MYO9B: variants seen among roughly 807,000 people sequenced by gnomAD.
MYO9B encodes the protein myosin IXB, also known as unconventional myosin-IXb.
Under a neutral mutation model 229.5 loss-of-function variants are expected in MYO9B, and 71 were observed. The ratio of observed to expected loss-of-function variants is 0.31; its 90% CI spans 0.26 to 0.38. MYO9B has a LOEUF of 0.38. MYO9B is among the 10% of genes least tolerant of loss of function. MYO9B has a pLI of 1.00. For missense variants in MYO9B, 2,255 were observed against 2,920.5 expected, an observed-to-expected ratio of 0.77 and a Z score of 5.25; for synonymous variants, 1,185 against 1,235.8, an observed-to-expected ratio of 0.96 and a Z score of 0.86.
At chr19:17,081,152 C>T (rs1180041670) in intron 1 of MYO9B, among the ~76,000 whole-genome samples, 4 of 152,118 alleles carry the variant, frequency 2.6e-5, no homozygotes, top group African/African-American at 7.2e-5. Context: ...CTCAGCCTCC[C>T]GAGTAGCTGG....
At position 17,212,040 on chromosome 19, in the gene MYO9B, CA is replaced by C. The variant is rs769226425; in HGVS notation, c.6206del (p.Asn2069ThrfsTer59). 7 of 1,609,330 alleles carry C rather than the reference CA, an allele frequency of 4.3e-6. No individual in the cohort carries two copies. In the South Asian group the frequency reaches 7.7e-5, roughly 18 times the overall value. ...PRRTPIMPTANIKLPPGLPSH... is the reference protein window; with the variant it reads ...PRRTPIMPTAXIKLPPGLPSH... ...GGCGGACCCCCATCATGCCCACGGCCAACATCAAGCTCCCACCAGGCCTGCC... is the reference window on the plus strand; with the variant it reads ...GGCGGACCCCCATCATGCCCACGGCCACATCAAGCTCCCACCAGGCCTGCC... On this transcript the variant is annotated frameshift_variant, in exon 40 of 40. Transcript: ENST00000682292. LOFTEE classifies it low-confidence loss of function (END_TRUNC). This position sits in a 1 kb window ranked among gnomAD's most constrained non-coding sequence, Gnocchi z 5.4.
At chr19:17,173,843 A>G (rs1204361377) in intron 13 of MYO9B, among the ~76,000 whole-genome samples, 2 of 151,958 alleles carry the variant, frequency 1.3e-5, no homozygotes, top group Non-Finnish European at 2.9e-5. Flanking sequence ...AAGGGCTCCA[A>G]CCTTCCGTCC....
chr19:17,202,781 G>C, intron 28 of MYO9B, 61 bp from the exon 29 acceptor site: 1 of 1,518,062 alleles, frequency 6.6e-7, no homozygotes, highest in Non-Finnish European at 8.9e-7. Context: ...GGGGTGCCAG[G>C]GGTGGGTTGG....
chr19:17,151,053 G>A (rs1393212788), intron 3 of MYO9B, among the ~76,000 whole-genome samples: 1 of 151,792 alleles, frequency 6.6e-6, no homozygotes, highest in East Asian at 1.9e-4. Flanking sequence ...GCCAAGGTGG[G>A]TGGATCACCT....
intron 1 of MYO9B, among the ~76,000 whole-genome samples, chr19:17,082,947 A>C (rs1037294918): frequency 6.6e-6 from 1 of 151,402 alleles, no homozygotes; most frequent in Non-Finnish European, 1.5e-5. Flanking sequence ...CCTGCAGCCA[A>C]GTGAGCGTGG....
chr19:17,157,015 G>T lies in MYO9B; in HGVS notation c.1306G>T (p.Asp436Tyr). 6.2e-7 allele frequency: 1 copy of T among 1,613,708 alleles called. No homozygotes were observed. Among genetic ancestry groups the T allele is most frequent in the South Asian group, 1.1e-5 (1 of 91,052 alleles). The change falls in exon 7 of 40, where the codon GAC becomes TAC. Residue 436 changes from aspartate (D) to tyrosine (Y), a missense_variant. Asp to Tyr is a radical substitution (Grantham distance 160, BLOSUM62 -3). This residue lies in a region of MYO9B where 220 missense variants were observed against 404.5 expected (regional missense o/e 0.54). Coordinates refer to ENST00000682292, the MANE Select transcript of MYO9B (RefSeq NM_004145.4). The part of the protein sequence containing the change: ...GLEVGPPEVL[D>Y]TLSQLLKVKR... ...GGAGGTCGGGCCACCCGAGGTGCTGGACACCCTGTCGCAGCTTCTGAAGGT... is the reference window on the plus strand; with the variant it reads ...GGAGGTCGGGCCACCCGAGGTGCTGTACACCCTGTCGCAGCTTCTGAAGGT...
At chr19:17,197,424 A>ATGGG (rs2073056450) in intron 22 of MYO9B, among the ~76,000 whole-genome samples, 1 of 88,292 alleles carries the variant, frequency 1.1e-5, no homozygotes, top group South Asian at 4.7e-4. Context: ...AGATAGATAG[A>ATGGG]TAGATAGATA....
At chr19:17,182,122 G>A (rs1401036457) in intron 15 of MYO9B, among the ~76,000 whole-genome samples, 1 of 150,818 alleles carries the variant, frequency 6.6e-6, no homozygotes, top group Admixed American at 6.6e-5. Context: ...TGTTGCCCAG[G>A]CTACAGTGCA....
Position 17,154,201 on chromosome 19 carries a change from C to G in MYO9B, c.1099-114C>G, listed in dbSNP as rs1291424640. 2.3e-6 allele frequency: 3 copies of G among 1,324,266 alleles called. No homozygotes were observed. The Admixed American group carries it at 5.5e-5, about 24-fold the overall frequency. The allele number at this position is 1,324,266 out of a possible 1,614,324, so 82.0% of individuals were successfully genotyped here. On this transcript the variant is annotated intron_variant, in intron 5 of 39. Coordinates refer to ENST00000682292, the MANE Select transcript of MYO9B (RefSeq NM_004145.4). ...CCCAGAAGGCAGCATTAAAAGAACC[C>G]ATTCATTCCCCTGGTCCTGGGGCCC...
chr19:17,120,090 A>T (rs1450470798), intron 2 of MYO9B, among the ~76,000 whole-genome samples: 1 of 151,642 alleles, frequency 6.6e-6, no homozygotes, highest in African/African-American at 2.4e-5. Context: ...CAGGCCCATG[A>T]TATGTCAAAG....
chr19:17,156,296 C>T (rs2072537096), intron 6 of MYO9B, among the ~76,000 whole-genome samples: 1 of 152,032 alleles, frequency 6.6e-6, no homozygotes, highest in Non-Finnish European at 1.5e-5. Flanking sequence ...AACCTGTAGT[C>T]CCAGCTACCT....
chr19:17,194,548 C>T lies in MYO9B; in HGVS notation c.3129-8C>T. 3 of 1,611,600 alleles carry T rather than the reference C, an allele frequency of 1.9e-6. No homozygotes were observed. Among genetic ancestry groups the T allele is most frequent in the Non-Finnish European group, 2.5e-6 (3 of 1,179,400 alleles). ...CTGAACCAGCTGTCTGCTTTTTCCT[C>T]ACTCCAGCTTCAGCCAGATGATCTC... is the stretch of plus-strand genomic sequence containing the variant. On this transcript the variant is annotated splice_polypyrimidine_tract_variant and splice_region_variant and intron_variant, in intron 21 of 39. Transcript: ENST00000682292.
intron 1 of MYO9B, among the ~76,000 whole-genome samples, chr19:17,077,780 G>A (rs970498739): frequency 3.9e-5 from 6 of 152,158 alleles, no homozygotes; most frequent in Non-Finnish European, 5.9e-5. Flanking sequence ...TCCTGGCTGC[G>A]ATGATCCTAC....
intron 18 of MYO9B, among the ~76,000 whole-genome samples, chr19:17,187,457 C>A (rs2072930811): frequency 6.6e-6 from 1 of 152,168 alleles, no homozygotes; most frequent in Admixed American, 6.5e-5. Context: ...TGCCCCCAGA[C>A]CAAGCTCTCC....
intron 14 of MYO9B, among the ~76,000 whole-genome samples, chr19:17,176,350 T>C (rs1453532771): frequency 6.6e-6 from 1 of 151,798 alleles, no homozygotes; most frequent in Non-Finnish European, 1.5e-5. Flanking sequence ...TTTGTATTTT[T>C]AGTAGAGACG....
chr19:17,198,734 CAAAAAA>C (rs59292415), intron 24 of MYO9B, among the ~76,000 whole-genome samples: 1 of 41,220 alleles, frequency 2.4e-5, no homozygotes, highest in Non-Finnish European at 4.9e-5. Context: ...GACTCCGTCT[CAAAAAA>C]AAAAAAAAAA....
At chr19:17,078,023 T>C (rs1269058926) in intron 1 of MYO9B, among the ~76,000 whole-genome samples, 2 of 152,168 alleles carry the variant, frequency 1.3e-5, no homozygotes, top group Non-Finnish European at 2.9e-5. Context: ...CCTTTCTGTT[T>C]GGCTGTAGGA....
chr19:17,139,784 G>A (rs1364958058), intron 2 of MYO9B, among the ~76,000 whole-genome samples: 1 of 152,142 alleles, frequency 6.6e-6, no homozygotes, highest in Non-Finnish European at 1.5e-5. Context: ...GCTCAGGACT[G>A]TGATCTCAGC....
At chr19:17,198,084 T>TGAG in intron 23 of MYO9B, 100 bp from the exon 24 acceptor site, 1 of 1,488,474 alleles carries the variant, frequency 6.7e-7, no homozygotes, top group Non-Finnish European at 9.0e-7. Context: ...AAGCAGGAAG[T>TGAG]GAGGTCGGTG....
Sources: gnomAD v4.1 joint callset for allele counts (sites outside exome capture counted in the v4.1 genomes callset) on GRCh38, gnomAD v4.1.1 for gene constraint, gnomAD v4.1.1 regional missense constraint, Gnocchi (gnomAD v3.1) non-coding constraint, MANE v1.5 for transcripts, NCBI Gene and HGNC (gene_info 2026-07-23, HGNC 2026-07-21) for gene names.